Variants in ATP1B2 observed in about 807,000 individuals in gnomAD.
The protein encoded by ATP1B2 is sodium/potassium-transporting ATPase subunit beta-2.
Under a neutral mutation model 37.3 loss-of-function variants are expected in ATP1B2, and 12 were observed. The observed-to-expected ratio is 0.32, with a 90% CI of 0.21 to 0.52. The LOEUF is 0.52. ATP1B2 is among the 20% of genes least tolerant of loss of function. The pLI is 0.96. For synonymous variants in ATP1B2, 139 were observed against 140.5 expected (o/e 0.99, Z 0.07); for missense variants, 324 against 391.6 (o/e 0.83, Z 1.46).
At chr17:7,652,413 AT>A (rs1270016171) in intron 1 of ATP1B2, among the ~76,000 whole-genome samples, 2 of 151,916 alleles carry the variant, frequency 1.3e-5, no homozygotes, top group East Asian at 3.9e-4. Context: ...TCCAAGAGGG[AT>A]GGTCAAGCTG....
chr17:7,653,788 G>T, intron 2 of ATP1B2, 53 bp from the exon 3 acceptor site: 4 of 1,550,680 alleles, frequency 2.6e-6, no homozygotes, highest in Non-Finnish European at 3.6e-6. Context: ...TTCCCTCTGT[G>T]TGCAGTCCCT....
In ATP1B2 at chr17:7,651,393, G is replaced by C. The variant is rs562555402; in HGVS notation, c.-126G>C. 1.3e-6 allele frequency: 1 copy of C among 783,772 alleles called. No homozygotes were observed. Among genetic ancestry groups the C allele is most frequent in the South Asian group, 1.6e-5 (1 of 63,526 alleles). The allele number at this position is 783,772 out of a possible 1,614,324, so 48.6% of individuals were successfully genotyped here. ...TCTGCAGCAGCTGCATATCTGAGGG[G>C]GGTCTCCTTTGCCCGCGCCGCCTTC... On this transcript the variant is annotated 5_prime_UTR_variant, in exon 1 of 7. Coordinates refer to ENST00000250111, the MANE Select transcript of ATP1B2 (RefSeq NM_001678.5).
Position 7,656,107 on chromosome 17 carries a change from AG to A in ATP1B2, c.*213del. 1.6e-6 allele frequency: 1 copy of A among 631,430 alleles called. No homozygotes were observed. Among genetic ancestry groups the A allele is most frequent in the East Asian group, 2.9e-5 (1 of 34,722 alleles). 39.1% of individuals were successfully genotyped at this position (631,430 alleles called of 1,614,324 possible). On this transcript the variant is annotated 3_prime_UTR_variant, in exon 7 of 7. Transcript: ENST00000250111. ...TTTCCCACCAACTTCTCCCAACCTC[AG>A]ATCAGTCAGACAGGGAGCTGGGCTA... is the stretch of plus-strand genomic sequence containing the variant.
Position 7,653,837 on chromosome 17 carries a change from G to C in ATP1B2, c.242-4G>C, listed in dbSNP as rs778884662. ...CCCCCAACTTCTGCCTTTGTTGGCT[G>C]TAGGCTTGATGATTCGCCCCAAGAC... On this transcript the variant is annotated splice_polypyrimidine_tract_variant and splice_region_variant and intron_variant, in intron 2 of 6. Transcript: ENST00000250111. The C allele has an allele frequency of 6.2e-7, 1 of 1,613,974 alleles. No individual in the cohort carries two copies. The highest frequency in any genetic ancestry group is 2.2e-5 in the East Asian group (1 of 44,886).
rs116625383 is a variant in ATP1B2 at position 7,655,133 on chromosome 17, C to T, written c.610-394C>T. On this transcript the variant is annotated intron_variant, in intron 5 of 6. Coordinates refer to ENST00000250111, the MANE Select transcript of ATP1B2 (RefSeq NM_001678.5). The surrounding 1 kb of genome is among the most constrained non-coding windows in gnomAD (Gnocchi z 4.4). The stretch of plus-strand genomic sequence containing the variant: ...TGGGACCCTGTTCCCCGCTTCCCCC[C>T]CGGTCTGTCCTTTCTAGAAACTGGC... 2 of 323,126 alleles carry T rather than the reference C, an allele frequency of 6.2e-6. No homozygotes were observed. The highest frequency in any genetic ancestry group is 1.2e-5 in the Non-Finnish European group (2 of 173,836). 20.0% of individuals were successfully genotyped at this position (323,126 alleles called of 1,614,324 possible). A position where few individuals can be genotyped will look rare whatever the true frequency, so the allele number is the denominator to read the frequency against.
upstream of ATP1B2, among the ~76,000 whole-genome samples, chr17:7,649,698 T>C (rs985666517): frequency 2.0e-5 from 3 of 150,170 alleles, no homozygotes; most frequent in Admixed American, 6.6e-5. Flanking sequence ...GACTACAAGC[T>C]CCCGCCACGA....
At chr17:7,652,224 A>T (rs896994143) in intron 1 of ATP1B2, among the ~76,000 whole-genome samples, 2 of 151,132 alleles carry the variant, frequency 1.3e-5, no homozygotes, top group Non-Finnish European at 2.9e-5. Flanking sequence ...TGACGGAGGG[A>T]GGAGTGGTCG....
chr17:7,656,346 A>C lies in ATP1B2; in HGVS notation c.*451A>C. Reference sequence around the variant, plus strand: ...GATGAATGTGGCACTCCCTCCTTCCATTCCTAAGCTCTGGCCACCGTCCCT... The same window carrying C: ...GATGAATGTGGCACTCCCTCCTTCCCTTCCTAAGCTCTGGCCACCGTCCCT... On this transcript the variant is annotated 3_prime_UTR_variant, in exon 7 of 7. Coordinates refer to ENST00000250111, the MANE Select transcript of ATP1B2 (RefSeq NM_001678.5). 5.7e-6 allele frequency: 1 copy of C among 174,054 alleles called. No homozygotes were observed. Among genetic ancestry groups the C allele is most frequent in the Non-Finnish European group, 1.2e-5 (1 of 84,542 alleles). The allele number at this position is 174,054 out of a possible 1,614,324, so 10.8% of individuals were successfully genotyped here.
Position 7,651,426 on chromosome 17 carries a change from G to T in ATP1B2, c.-93G>T, listed in dbSNP as rs2072611457. The T allele has an allele frequency of 8.6e-7, 1 of 1,169,386 alleles. No individual in the cohort carries two copies. The highest frequency in any genetic ancestry group is 1.2e-6 in the Non-Finnish European group (1 of 811,314). 72.4% of individuals were successfully genotyped at this position (1,169,386 alleles called of 1,614,324 possible). A position where few individuals can be genotyped will look rare whatever the true frequency, so the allele number is the denominator to read the frequency against. On this transcript the variant is annotated 5_prime_UTR_variant, in exon 1 of 7. Coordinates refer to ENST00000250111, the MANE Select transcript of ATP1B2 (RefSeq NM_001678.5). ...TTTGCCCGCGCCGCCTTCGCTCCCC[G>T]TGCTTTTGGGTGTGTGGAGGGCTTC...
chr17:7,651,203 T>G lies in ATP1B2; in HGVS notation c.-316T>G. ...GTTTTTGCACCCCATTTCGTTTTGT[T>G]TCTAGACGGTTTGGTGGGGGGTGAA... On this transcript the variant is annotated 5_prime_UTR_variant, in exon 1 of 7. Coordinates refer to ENST00000250111, the MANE Select transcript of ATP1B2 (RefSeq NM_001678.5). 1 of 330,302 alleles carries G rather than the reference T, an allele frequency of 3.0e-6. No homozygotes were observed. The highest frequency in any genetic ancestry group is 5.7e-6 in the Non-Finnish European group (1 of 175,378). 20.5% of individuals were successfully genotyped at this position (330,302 alleles called of 1,614,324 possible).
In ATP1B2 at chr17:7,655,845, G is replaced by A; in HGVS notation, c.823G>A (p.Asp275Asn). The change falls in exon 7 of 7, where the codon GAC (aspartate) becomes AAC (asparagine). Residue 275 changes from aspartate to asparagine, a missense_variant. Transcript: ENST00000250111. This position sits in a 1 kb window ranked among gnomAD's most constrained non-coding sequence, Gnocchi z 4.4. ...CAACATCGCCACAGACGATGAGCGA[G>A]ACAAGTTCGCCGGCCGCGTGGCCTT... is the stretch of plus-strand genomic sequence containing the variant. ...AANIATDDER[D>N]KFAGRVAFKL... is the part of the protein sequence containing the mutation. 1 of 1,614,144 alleles carries A rather than the reference G, an allele frequency of 6.2e-7. No homozygotes were observed. The highest frequency in any genetic ancestry group is 8.5e-7 in the Non-Finnish European group (1 of 1,180,034).
Position 7,654,549 on chromosome 17 carries a change from C to A in ATP1B2, c.553-79C>A. ...CCTCCCTAGTAGTTGGGACTACAGT[C>A]CCCGGCTTAGCTTGGTCTGGATGCC... On this transcript the variant is annotated intron_variant, in intron 4 of 6. Coordinates refer to ENST00000250111, the MANE Select transcript of ATP1B2 (RefSeq NM_001678.5). This position sits in a 1 kb window ranked among gnomAD's most constrained non-coding sequence, Gnocchi z 4.9. 6.7e-7 allele frequency: 1 copy of A among 1,484,270 alleles called. No individual in the cohort carries two copies. Among genetic ancestry groups the A allele is most frequent in the South Asian group, 1.1e-5 (1 of 88,012 alleles). 91.9% of individuals were successfully genotyped at this position (1,484,270 alleles called of 1,614,324 possible).
At chr17:7,647,613 G>C (rs1037677162), upstream of ATP1B2, among the ~76,000 whole-genome samples, 3 of 152,284 alleles carry the variant, frequency 2.0e-5, no homozygotes, top group South Asian at 4.1e-4. Flanking sequence ...GAGGTCAGGA[G>C]TTCCAGACCA....
rs2072650559 is a variant in ATP1B2, at chr17:7,656,166, G to A, written c.*271G>A. ...CACGGAGGAGTTAGGAGCCTTTCTA[G>A]TTCTGGTTTAGCTGTGAGAGCTATC... On this transcript the variant is annotated 3_prime_UTR_variant, in exon 7 of 7. Coordinates refer to ENST00000250111, the MANE Select transcript of ATP1B2 (RefSeq NM_001678.5). 1 of 502,444 alleles carries A rather than the reference G, an allele frequency of 2.0e-6. No individual in the cohort carries two copies. The allele number at this position is 502,444 out of a possible 1,614,324, so 31.1% of individuals were successfully genotyped here.
At chr17:7,647,099 CAA>C (rs34937578), upstream of ATP1B2, among the ~76,000 whole-genome samples, 701 of 78,288 alleles carry the variant, frequency 9.0e-3, 11 homozygotes, top group African/African-American at 0.026. Flanking sequence ...GAGACTATCT[CAA>C]AAAAAAAAAA....
At chr17:7,652,309 C>T (rs1431540582) in intron 1 of ATP1B2, among the ~76,000 whole-genome samples, 1 of 151,544 alleles carries the variant, frequency 6.6e-6, no homozygotes, top group Non-Finnish European at 1.5e-5. Context: ...CCCAGGCTGA[C>T]CATGGCAGGA....
In ATP1B2 at chr17:7,655,039, C is replaced by T. The variant is rs541364976; in HGVS notation, c.609+355C>T. ...CTCTCCCTCCCATATGGCCCCCACC[C>T]GTCAGTTCCTTCTAGGTGTCTGGTA... On this transcript the variant is annotated intron_variant, in intron 5 of 6. Coordinates refer to ENST00000250111, the MANE Select transcript of ATP1B2 (RefSeq NM_001678.5). This position sits in a 1 kb window ranked among gnomAD's most constrained non-coding sequence, Gnocchi z 4.4. 9.9e-5 allele frequency among the ~76,000 whole-genome samples: 15 copies of T among 152,206 alleles called. No individual in the cohort carries two copies. Among genetic ancestry groups the T allele is most frequent in the South Asian group, 4.2e-4 (2 of 4,818 alleles).
chr17:7,651,508 G>A lies in ATP1B2; in HGVS notation c.-11G>A. The A allele has an allele frequency of 6.3e-7, 1 of 1,577,370 alleles. No homozygotes were observed. The highest frequency in any genetic ancestry group is 8.6e-7 in the Non-Finnish European group (1 of 1,162,456). ...CCCGCCCCGCGCCCGGACTCGCCCCGCGCCACCAAGATGGTCATCCAGAAA... is the reference window on the plus strand; with the variant it reads ...CCCGCCCCGCGCCCGGACTCGCCCCACGCCACCAAGATGGTCATCCAGAAA... On this transcript the variant is annotated 5_prime_UTR_variant, in exon 1 of 7. Transcript: ENST00000250111.
Position 7,655,935 on chromosome 17 carries a change from C to A in ATP1B2, c.*40C>A, listed in dbSNP as rs202185859. 1.2e-6 allele frequency: 2 copies of A among 1,609,148 alleles called. No homozygotes were observed. The highest frequency in any genetic ancestry group is 2.2e-5 in the South Asian group (2 of 90,662). Reference sequence around the variant, plus strand: ...ACCCCATCTCTCTCCTGTGGATGCTCCTGGAATGTCCCTGACCCTGCCTGA... The same window carrying A: ...ACCCCATCTCTCTCCTGTGGATGCTACTGGAATGTCCCTGACCCTGCCTGA... On this transcript the variant is annotated 3_prime_UTR_variant, in exon 7 of 7. Transcript: ENST00000250111. The surrounding 1 kb of genome is among the most constrained non-coding windows in gnomAD (Gnocchi z 4.4).
Sources: gnomAD v4.1 joint callset for allele counts (sites outside exome capture counted in the v4.1 genomes callset) on GRCh38, gnomAD v4.1.1 for gene constraint, Gnocchi (gnomAD v3.1) non-coding constraint, MANE v1.5 for transcripts, NCBI Gene and HGNC (gene_info 2026-07-23, HGNC 2026-07-21) for gene names.